The following PCSK6 variants were observed in gnomAD, a reference collection of about 807,000 sequenced individuals.
PCSK6 encodes proprotein convertase subtilisin/kexin type 6, also known as paired basic amino acid cleaving enzyme 4.
In PCSK6, 85 loss-of-function variants were observed where a neutral mutation model predicts 123.3. That is an observed-to-expected ratio of 0.69 (90% confidence interval 0.58 to 0.83). The LOEUF (loss-of-function observed/expected upper bound fraction) is 0.83. Ranked by LOEUF, PCSK6 falls within the 40% of genes least tolerant of loss-of-function variation. PCSK6 has a pLI of 0.00. For synonymous variants in PCSK6, 508 were observed against 516.0 expected, an observed-to-expected ratio of 0.98 and a Z score of 0.21; for missense variants, 1,191 against 1,282.3, an observed-to-expected ratio of 0.93 and a Z score of 1.09.
At chr15:101,480,845 A>T (rs935871517) in intron 1 of PCSK6, among the ~76,000 whole-genome samples, 7 of 152,294 alleles carry the variant, frequency 4.6e-5, no homozygotes, top group Admixed American at 4.6e-4. Flanking sequence ...GGGCCTATCG[A>T]GTGACTCCAA....
intron 6 of PCSK6, among the ~76,000 whole-genome samples, chr15:101,417,859 G>A (rs12904931): frequency 0.072 from 10,802 of 149,266 alleles, 487 homozygotes; most frequent in East Asian, 0.18. Context: ...TTATTTTTAC[G>A]TACACTATTT....
intron 13 of PCSK6, among the ~76,000 whole-genome samples, chr15:101,354,251 CACAT>C (rs1178012669): frequency 6.6e-6 from 1 of 152,180 alleles, no homozygotes; most frequent in Non-Finnish European, 1.5e-5. Context: ...CACATATACA[CACAT>C]ACATATCCAC....
intron 1 of PCSK6, among the ~76,000 whole-genome samples, chr15:101,462,533 C>T (rs924705893): frequency 9.2e-5 from 14 of 152,140 alleles, no homozygotes; most frequent in Non-Finnish European, 2.9e-5. Context: ...TATGAAGATA[C>T]AGTACTGAAG....
chr15:101,358,489 C>T (rs1179258971), intron 13 of PCSK6, among the ~76,000 whole-genome samples: 1 of 152,192 alleles, frequency 6.6e-6, no homozygotes, highest in South Asian at 2.1e-4. Flanking sequence ...TCCTGAAATC[C>T]GAAATGTTCC....
chr15:101,460,743 A>G (rs1227704453), intron 1 of PCSK6, among the ~76,000 whole-genome samples: 1 of 152,254 alleles, frequency 6.6e-6, no homozygotes, highest in African/African-American at 2.4e-5. Flanking sequence ...CAGGGCAAAG[A>G]AAGACTAAAC....
chr15:101,428,636 G>A (rs143055358), intron 5 of PCSK6, among the ~76,000 whole-genome samples: 152 of 152,328 alleles, frequency 1.0e-3, no homozygotes, highest in Middle Eastern at 6.8e-3. Flanking sequence ...GTGCCACGTC[G>A]GGTCAGTTCC....
In PCSK6 at chr15:101,321,654, G is replaced by C. The variant is rs569097206; in HGVS notation, c.2465+866C>G. Among the ~76,000 whole-genome samples the C allele has an allele frequency of 1.6e-3, 245 of 152,388 alleles. 2 individuals carry two copies. Among genetic ancestry groups the C allele is most frequent in the African/African-American group, 5.5e-3 (228 of 41,604 alleles). ...CTCACAGCATTTGAGAAGGGAGACG[G>C]GGCTGGGGGTGTGTTGCAGCCCTCC... is the stretch of plus-strand genomic sequence containing the variant. On this transcript the variant is annotated intron_variant, in intron 18 of 21. Coordinates refer to ENST00000611716, the MANE Select transcript of PCSK6 (RefSeq NM_002570.5).
At chr15:101,380,552 A>G (rs908457413) in intron 11 of PCSK6, among the ~76,000 whole-genome samples, 1 of 152,244 alleles carries the variant, frequency 6.6e-6, no homozygotes, top group East Asian at 1.9e-4. Flanking sequence ...TAAGAAGTCA[A>G]GACTGAGGCT....
chr15:101,482,930 C>T (rs2057927150), intron 1 of PCSK6, among the ~76,000 whole-genome samples: 1 of 152,182 alleles, frequency 6.6e-6, no homozygotes, highest in South Asian at 2.1e-4. Flanking sequence ...GCACCAGCTC[C>T]AATGACTCAG....
intron 1 of PCSK6, among the ~76,000 whole-genome samples, chr15:101,471,509 CTTCT>C (rs755222169): frequency 4.4e-4 from 67 of 152,304 alleles, no homozygotes; most frequent in Non-Finnish European, 9.0e-4. Flanking sequence ...TCCATCCATC[CTTCT>C]ATCCATTTGT....
At chr15:101,446,733 G>A (rs969664634) in intron 1 of PCSK6, among the ~76,000 whole-genome samples, 3 of 152,256 alleles carry the variant, frequency 2.0e-5, no homozygotes, top group African/African-American at 4.8e-5. Flanking sequence ...CAAAGTCTCT[G>A]ATGTCAAGCA....
chr15:101,420,041 A>G (rs2056028739), intron 6 of PCSK6, among the ~76,000 whole-genome samples: 1 of 151,986 alleles, frequency 6.6e-6, no homozygotes, highest in South Asian at 2.1e-4. Context: ...ATACAAAAAA[A>G]TTAGCCAGGC....
At chr15:101,345,828 C>T (rs528490884) in intron 13 of PCSK6, among the ~76,000 whole-genome samples, 1 of 152,134 alleles carries the variant, frequency 6.6e-6, no homozygotes, top group Admixed American at 6.6e-5. Context: ...CCACCATGAC[C>T]GGCTAATTTT....
chr15:101,378,993 G>A (rs1281232913), intron 11 of PCSK6, among the ~76,000 whole-genome samples: 2 of 152,124 alleles, frequency 1.3e-5, no homozygotes, highest in African/African-American at 4.8e-5. Flanking sequence ...GCCTGAGCAT[G>A]ACTCGGGCAG....
At chr15:101,457,218 A>T (rs2057210080) in intron 1 of PCSK6, among the ~76,000 whole-genome samples, 1 of 152,266 alleles carries the variant, frequency 6.6e-6, no homozygotes, top group Admixed American at 6.5e-5. Flanking sequence ...AAAAATCTCA[A>T]CTCAGCAGTT....
At chr15:101,327,856 AC>A (rs1352718722) in intron 15 of PCSK6, among the ~76,000 whole-genome samples, 1 of 151,826 alleles carries the variant, frequency 6.6e-6, no homozygotes, top group Non-Finnish European at 1.5e-5. Context: ...CCCACTGTGA[AC>A]CCCTTTCAGA....
intron 9 of PCSK6, among the ~76,000 whole-genome samples, chr15:101,388,287 G>C (rs2042128957): frequency 6.6e-6 from 1 of 152,186 alleles, no homozygotes; most frequent in Non-Finnish European, 1.5e-5. Flanking sequence ...GTTACGCTCA[G>C]TTTGTCTTGT....
At chr15:101,419,271 C>T (rs1295651360) in intron 6 of PCSK6, among the ~76,000 whole-genome samples, 24 of 151,438 alleles carry the variant, frequency 1.6e-4, no homozygotes. Flanking sequence ...ACCCAACATA[C>T]AAAAATCAAT....
intron 18 of PCSK6, among the ~76,000 whole-genome samples, chr15:101,319,313 C>T (rs920322459): frequency 6.6e-6 from 1 of 152,148 alleles, no homozygotes; most frequent in Non-Finnish European, 1.5e-5. Context: ...GTTTGCCATA[C>T]TGAGCAAGGG....
Sources: gnomAD v4.1 joint callset for allele counts (sites outside exome capture counted in the v4.1 genomes callset) on GRCh38, gnomAD v4.1.1 for gene constraint, MANE v1.5 for transcripts, NCBI Gene and HGNC (gene_info 2026-07-23, HGNC 2026-07-21) for gene names.